The following ZBTB20 variants were observed in gnomAD, a reference collection of about 807,000 sequenced individuals.
The protein encoded by ZBTB20 is zinc finger and BTB domain containing 20.
Under a neutral mutation model 56.9 loss-of-function variants are expected in ZBTB20, and 9 were observed. That is an observed-to-expected ratio of 0.16 (90% CI 0.10 to 0.28). The LOEUF (loss-of-function observed/expected upper bound fraction) is 0.28. Ranked by LOEUF, ZBTB20 falls within the 10% of genes least tolerant of loss-of-function variation. The pLI, the probability that ZBTB20 is intolerant of heterozygous loss-of-function variation, is 1.00. For missense variants in ZBTB20, 655 were observed against 1,003.0 expected, an observed-to-expected ratio of 0.65 and a Z score of 4.69; for synonymous variants, 417 against 420.7, an observed-to-expected ratio of 0.99 and a Z score of 0.11.
chr3:114,415,711 T>C (rs759341412), intron 7 of ZBTB20, among the ~76,000 whole-genome samples: 7 of 151,904 alleles, frequency 4.6e-5, no homozygotes, highest in Non-Finnish European at 7.4e-5. Context: ...TTAAATGGAG[T>C]GGGGCCAAGA....
intron 2 of ZBTB20, among the ~76,000 whole-genome samples, chr3:114,982,525 AAAAT>A (rs1228568429): frequency 3.3e-5 from 5 of 152,026 alleles, no homozygotes; most frequent in Non-Finnish European, 5.9e-5. Context: ...AAAAATAAAT[AAAAT>A]AAATAAATCC....
At chr3:114,711,463 GC>G (rs752184698) in intron 5 of ZBTB20, among the ~76,000 whole-genome samples, 2 of 152,178 alleles carry the variant, frequency 1.3e-5, no homozygotes, top group African/African-American at 2.4e-5. Flanking sequence ...TGTCCCAGAG[GC>G]CTCTATTCTT....
chr3:114,558,299 C>T (rs2051521950), intron 6 of ZBTB20, among the ~76,000 whole-genome samples: 1 of 152,004 alleles, frequency 6.6e-6, no homozygotes, highest in South Asian at 2.1e-4. Flanking sequence ...ATTCCCTTAC[C>T]TATTGAGATT....
intron 5 of ZBTB20, among the ~76,000 whole-genome samples, chr3:114,796,579 A>G (rs980911722): frequency 1.3e-5 from 2 of 151,948 alleles, no homozygotes; most frequent in Non-Finnish European, 2.9e-5. Flanking sequence ...TTTGTAAGCA[A>G]GAGAAGATAA....
intron 6 of ZBTB20, among the ~76,000 whole-genome samples, chr3:114,527,048 T>C (rs977870399): frequency 3.3e-5 from 5 of 152,184 alleles, no homozygotes; most frequent in Admixed American, 6.5e-5. Context: ...AATGGTCTGA[T>C]TGAAGCTGCT....
chr3:115,079,622 G>A (rs2079578698), intron 1 of ZBTB20, among the ~76,000 whole-genome samples: 2 of 152,114 alleles, frequency 1.3e-5, no homozygotes, highest in Admixed American at 1.3e-4. Flanking sequence ...TCGAACTCCT[G>A]ACCTCAAGTG....
At chr3:115,109,186 G>T (rs1475807314) in intron 1 of ZBTB20, among the ~76,000 whole-genome samples, 1 of 152,054 alleles carries the variant, frequency 6.6e-6, no homozygotes, top group Admixed American at 6.5e-5. Flanking sequence ...TATCTTAAAA[G>T]TTTCCACATC....
At chr3:114,442,581 A>G (rs2091001466) in intron 7 of ZBTB20, among the ~76,000 whole-genome samples, 1 of 152,172 alleles carries the variant, frequency 6.6e-6, no homozygotes, top group Non-Finnish European at 1.5e-5. Flanking sequence ...CAGTTCTACT[A>G]AATGTGACCT....
At chr3:114,978,916 G>A (rs2078216970) in intron 2 of ZBTB20, among the ~76,000 whole-genome samples, 1 of 151,770 alleles carries the variant, frequency 6.6e-6, no homozygotes, top group African/African-American at 2.4e-5. Flanking sequence ...ATTCCTGAAT[G>A]TTAAGAAAGA....
chr3:114,956,775 C>T (rs940259216), intron 3 of ZBTB20, among the ~76,000 whole-genome samples: 3 of 152,120 alleles, frequency 2.0e-5, no homozygotes, highest in Non-Finnish European at 4.4e-5. Context: ...CAACATGTAA[C>T]GGAGAGGCCT....
chr3:114,974,527 A>G (rs1560453154), intron 2 of ZBTB20, 111 bp from the exon 3 acceptor site: 1 of 152,180 alleles, frequency 6.6e-6, no homozygotes, highest in Non-Finnish European at 1.5e-5. Context: ...ACTAATATCT[A>G]TAGTTTTAAA....
At chr3:114,870,178 C>T (rs547851810) in intron 4 of ZBTB20, among the ~76,000 whole-genome samples, 19 of 152,062 alleles carry the variant, frequency 1.2e-4, no homozygotes, top group Middle Eastern at 3.2e-3. Context: ...GCTAACATTT[C>T]TTATGGGGAT....
chr3:114,634,781 G>A (rs1173098754), intron 6 of ZBTB20, among the ~76,000 whole-genome samples: 1 of 152,178 alleles, frequency 6.6e-6, no homozygotes, highest in Non-Finnish European at 1.5e-5. Flanking sequence ...TTTCTCCTGT[G>A]CCACAGAAAG....
intron 4 of ZBTB20, among the ~76,000 whole-genome samples, chr3:114,899,226 C>G (rs1355725961): frequency 1.3e-5 from 2 of 152,120 alleles, no homozygotes; most frequent in African/African-American, 4.8e-5. Flanking sequence ...TCTACCCCAA[C>G]AGCAACAGAA....
At chr3:115,025,289 T>C (rs1274302391) in intron 2 of ZBTB20, among the ~76,000 whole-genome samples, 1 of 151,472 alleles carries the variant, frequency 6.6e-6, no homozygotes, top group African/African-American at 2.4e-5. Context: ...GCATTCTTTT[T>C]ATGGCTGCCT....
Position 114,434,557 on chromosome 3 carries a change from T to TG in ZBTB20, c.-254-45453_-254-45452insC, listed in dbSNP as rs1491361002. ...TGCAATTGGGGTGTGTGTGTGTGTG[T>TG]TTGTGTGTGTGTGTGTGTGTATCTT... On this transcript the variant is annotated intron_variant, in intron 7 of 11. Coordinates refer to ENST00000675478, the MANE Select transcript of ZBTB20 (RefSeq NM_001348800.3). Among the ~76,000 whole-genome samples the TG allele has an allele frequency of 5.7e-3, 797 of 138,700 alleles. 24 individuals carry two copies. The highest frequency in any genetic ancestry group is 0.031 in the Admixed American group (415 of 13,448). The allele number at this position is 138,700 out of a possible 152,430, so 91.0% of individuals were successfully genotyped here. A position where few individuals can be genotyped will look rare whatever the true frequency, so the allele number is the denominator to read the frequency against.
chr3:115,076,742 C>T (rs1186363916), intron 1 of ZBTB20, among the ~76,000 whole-genome samples: 2 of 152,118 alleles, frequency 1.3e-5, no homozygotes, highest in African/African-American at 2.4e-5. Context: ...GAAAAGGCAA[C>T]CTATGGAATA....
intron 3 of ZBTB20, among the ~76,000 whole-genome samples, chr3:114,967,922 A>T (rs184150876): frequency 3.3e-5 from 5 of 150,362 alleles, no homozygotes; most frequent in Non-Finnish European, 7.4e-5. Flanking sequence ...ACCCCATTGC[A>T]CTCCAACCTA....
intron 5 of ZBTB20, among the ~76,000 whole-genome samples, chr3:114,696,750 A>G (rs969318361): frequency 6.6e-6 from 1 of 152,020 alleles, no homozygotes; most frequent in Non-Finnish European, 1.5e-5. Context: ...AGTTACTCCA[A>G]TGAAAGAAAA....
Sources: gnomAD v4.1 joint callset for allele counts (sites outside exome capture counted in the v4.1 genomes callset) on GRCh38, gnomAD v4.1.1 for gene constraint, MANE v1.5 for transcripts, NCBI Gene and HGNC (gene_info 2026-07-23, HGNC 2026-07-21) for gene names.